The following MBNL2 variants were observed in gnomAD, a reference collection of about 807,000 sequenced individuals.
The protein encoded by MBNL2 is muscleblind-like protein 2.
MBNL2 carries 17 observed loss-of-function variants against 41.9 expected under a neutral mutation model. The ratio of observed to expected loss-of-function variants is 0.41; its 90% confidence interval spans 0.28 to 0.61. The LOEUF (loss-of-function observed/expected upper bound fraction) is 0.61, where lower values mean the gene tolerates loss of function less well. MBNL2 is among the 20% of genes least tolerant of loss of function. MBNL2 has a pLI of 0.35. For missense variants in MBNL2, 336 were observed against 505.6 expected (o/e 0.66, Z 3.22); for synonymous variants, 195 against 182.9 (o/e 1.07, Z -0.53).
rs1566410028 is a variant in MBNL2 at position 97,312,824 on chromosome 13, C to T, written c.175-21452C>T. Among the ~76,000 whole-genome samples the T allele has an allele frequency of 2.6e-5, 4 of 152,236 alleles. No homozygotes were observed. In the South Asian group the frequency reaches 8.3e-4, roughly 32 times the overall value. On this transcript the variant is annotated intron_variant, in intron 2 of 8. Coordinates refer to ENST00000679496, the MANE Select transcript of MBNL2 (RefSeq NM_001382683.1). ...TTTCACTACCTGTTCATTGGGAACA[C>T]ACTTTACAAAAATTACTGTGAATTC... is the stretch of plus-strand genomic sequence containing the variant.
the MBNL2 span, among the ~76,000 whole-genome samples, chr13:97,187,823 C>A: frequency 6.6e-6 from 1 of 150,768 alleles, no homozygotes; most frequent in Admixed American, 6.6e-5. Flanking sequence ...AGGAGAATGG[C>A]GTGAACCCCG....
chr13:97,307,780 T>C (rs1486223318), intron 2 of MBNL2, among the ~76,000 whole-genome samples: 1 of 152,240 alleles, frequency 6.6e-6, no homozygotes, highest in East Asian at 1.9e-4. Flanking sequence ...CATAAAATCT[T>C]GGACCTGGAA....
intron 1 of MBNL2, among the ~76,000 whole-genome samples, chr13:97,249,190 C>T (rs2046058064): frequency 6.6e-6 from 1 of 152,164 alleles, no homozygotes; most frequent in South Asian, 2.1e-4. Context: ...TGTGTCCAGA[C>T]TTAGTGAGAT....
rs191560693 is a variant in MBNL2, at chr13:97,334,140, G to A, written c.175-136G>A. ...CCCCAACAAACACATGAGCATGCGC[G>A]CGCACACCCACACACACACACACAC... On this transcript the variant is annotated intron_variant, in intron 2 of 8. Transcript: ENST00000679496. This position sits in a 1 kb window ranked among gnomAD's most constrained non-coding sequence, Gnocchi z 5.3. 7.1e-5 allele frequency: 28 copies of A among 396,566 alleles called. No individual in the cohort carries two copies. The highest frequency in any genetic ancestry group is 6.0e-4 in the South Asian group (14 of 23,370). 24.6% of individuals were successfully genotyped at this position (396,566 alleles called of 1,614,324 possible). A position where few individuals can be genotyped will look rare whatever the true frequency, so the allele number is the denominator to read the frequency against.
At chr13:97,298,446 C>T (rs1279847060) in intron 2 of MBNL2, among the ~76,000 whole-genome samples, 1 of 152,148 alleles carries the variant, frequency 6.6e-6, no homozygotes, top group Non-Finnish European at 1.5e-5. Context: ...CAGGCTGGAA[C>T]ATGGGAGGCA....
the MBNL2 span, among the ~76,000 whole-genome samples, chr13:97,200,291 T>A: frequency 6.6e-6 from 1 of 152,174 alleles, no homozygotes; most frequent in African/African-American, 2.4e-5. Flanking sequence ...GGTGAGCTGG[T>A]CGATTAGCCT....
chr13:97,187,359 C>T, the MBNL2 span, among the ~76,000 whole-genome samples: 2 of 151,768 alleles, frequency 1.3e-5, no homozygotes, highest in African/African-American at 2.4e-5. Context: ...TTATATTCTT[C>T]CAGGATTTTG....
intron 2 of MBNL2, among the ~76,000 whole-genome samples, chr13:97,291,114 A>G (rs2055856119): frequency 6.6e-6 from 1 of 152,118 alleles, no homozygotes; most frequent in African/African-American, 2.4e-5. Context: ...AGGAGGAGGA[A>G]GGGCCAGGTG....
At chr13:97,166,782 T>TGATAGATAGATAGATAGATAGATA in the MBNL2 span, among the ~76,000 whole-genome samples, 4 of 139,880 alleles carry the variant, frequency 2.9e-5, no homozygotes, top group East Asian at 2.1e-4. Flanking sequence ...AAACTTCCCT[T>TGATAGATAGATAGATAGATAGATA]GATAGATAGA....
chr13:97,201,716 C>T, the MBNL2 span, among the ~76,000 whole-genome samples: 1 of 152,066 alleles, frequency 6.6e-6, no homozygotes, highest in Non-Finnish European at 1.5e-5. Context: ...ATAGTTCAAA[C>T]CCCTTTCTAT....
the MBNL2 span, among the ~76,000 whole-genome samples, chr13:97,158,323 T>G: frequency 6.6e-6 from 1 of 151,082 alleles, no homozygotes; most frequent in Non-Finnish European, 1.5e-5. Flanking sequence ...TCTATCAATT[T>G]TGTTGATCCT....
chr13:97,248,328 G>T (rs1023198279), intron 1 of MBNL2, among the ~76,000 whole-genome samples: 12 of 152,170 alleles, frequency 7.9e-5, no homozygotes, highest in African/African-American at 2.7e-4. Context: ...GTAGAGATGG[G>T]GTTTCACCAT....
intron 2 of MBNL2, among the ~76,000 whole-genome samples, chr13:97,304,347 C>T (rs1306213272): frequency 6.6e-6 from 1 of 152,194 alleles, no homozygotes; most frequent in Non-Finnish European, 1.5e-5. Flanking sequence ...ATTGCCTACA[C>T]TGACTATTCA....
At chr13:97,245,024 ATAAG>A (rs1291923688) in intron 1 of MBNL2, among the ~76,000 whole-genome samples, 4 of 152,220 alleles carry the variant, frequency 2.6e-5, no homozygotes, top group African/African-American at 7.2e-5. Flanking sequence ...AGAATGATTT[ATAAG>A]TAAGATTACA....
At chr13:97,170,429 G>C in the MBNL2 span, among the ~76,000 whole-genome samples, 1 of 152,176 alleles carries the variant, frequency 6.6e-6, no homozygotes, top group African/African-American at 2.4e-5. Flanking sequence ...TTGCTGTAGA[G>C]AGAGTTTAAT....
the MBNL2 span, among the ~76,000 whole-genome samples, chr13:97,191,994 T>C: frequency 6.6e-6 from 1 of 152,192 alleles, no homozygotes; most frequent in African/African-American, 2.4e-5. Context: ...TTTCCTAACT[T>C]TTATTCTCTG....
chr13:97,187,637 G>A, the MBNL2 span, among the ~76,000 whole-genome samples: 2 of 148,330 alleles, frequency 1.3e-5, no homozygotes, highest in African/African-American at 4.9e-5. Flanking sequence ...GCCGGGCGCG[G>A]TGGCTCACGC....
At chr13:97,390,287 G>GA (rs1337912490) in intron 8 of MBNL2, among the ~76,000 whole-genome samples, 33 of 151,836 alleles carry the variant, frequency 2.2e-4, no homozygotes, top group South Asian at 4.1e-4. Flanking sequence ...CACTTAAAGG[G>GA]AAAAAATATC....
chr13:97,364,721 T>C (rs1018040170), intron 7 of MBNL2, among the ~76,000 whole-genome samples: 1 of 152,138 alleles, frequency 6.6e-6, no homozygotes, highest in Non-Finnish European at 1.5e-5. Context: ...GCCTTCCCCT[T>C]GACCCACACC....
Sources: gnomAD v4.1 joint callset for allele counts (sites outside exome capture counted in the v4.1 genomes callset) on GRCh38, gnomAD v4.1.1 for gene constraint, Gnocchi (gnomAD v3.1) non-coding constraint, MANE v1.5 for transcripts, NCBI Gene and HGNC (gene_info 2026-07-23, HGNC 2026-07-21) for gene names.